RIMS2: variants seen among roughly 807,000 people sequenced by gnomAD.
RIMS2 encodes regulating synaptic membrane exocytosis 2.
In RIMS2, 59 loss-of-function variants were observed where a neutral mutation model predicts 174.4. The observed-to-expected ratio is 0.34, with a 90% CI of 0.27 to 0.42. The LOEUF (loss-of-function observed/expected upper bound fraction) is 0.42. Ranked by LOEUF, RIMS2 falls within the 10% of genes least tolerant of loss-of-function variation. RIMS2 has a pLI of 1.00. For missense variants in RIMS2, 1,620 were observed against 1,666.3 expected (o/e 0.97, Z 0.48); for synonymous variants, 606 against 572.5 (o/e 1.06, Z -0.84).
intron 19 of RIMS2, among the ~76,000 whole-genome samples, chr8:104,219,723 A>C (rs2099146881): frequency 6.6e-6 from 1 of 152,142 alleles, no homozygotes; most frequent in Admixed American, 6.5e-5. Flanking sequence ...TTAATTGGAA[A>C]GTTATAAATA....
chr8:104,071,803 C>G (rs28588728), intron 19 of RIMS2, among the ~76,000 whole-genome samples: 32,575 of 152,022 alleles, frequency 0.21, 3,666 homozygotes, highest in South Asian at 0.33. Context: ...AATTACTGCT[C>G]TAAGGTGAAG....
intron 19 of RIMS2, among the ~76,000 whole-genome samples, chr8:104,222,347 T>G (rs1360993088): frequency 6.6e-6 from 1 of 152,190 alleles, no homozygotes; most frequent in Non-Finnish European, 1.5e-5. Context: ...TTTGAATCTT[T>G]CAGCATATCA....
At chr8:104,101,046 A>G (rs1261554359) in intron 19 of RIMS2, among the ~76,000 whole-genome samples, 3 of 143,404 alleles carry the variant, frequency 2.1e-5, no homozygotes, top group Middle Eastern at 3.6e-3. Flanking sequence ...ATTATATTAT[A>G]TATTACATAT....
At chr8:103,911,921 G>T (rs1032379235) in intron 5 of RIMS2, 132 bp from the exon 9 acceptor site, 4 of 602,630 alleles carry the variant, frequency 6.6e-6, no homozygotes, top group African/African-American at 3.7e-5. Context: ...AAGCTGGTTT[G>T]TGTAATCATA....
chr8:104,164,776 G>C (rs1014654262), intron 19 of RIMS2, among the ~76,000 whole-genome samples: 3 of 152,124 alleles, frequency 2.0e-5, no homozygotes, highest in Admixed American at 6.5e-5. Context: ...ACATAGAGGG[G>C]AACAACACAC....
intron 3 of RIMS2, among the ~76,000 whole-genome samples, chr8:103,808,576 A>G (rs141426394): frequency 5.6e-4 from 85 of 152,214 alleles, no homozygotes; most frequent in African/African-American, 1.9e-3. Context: ...CCTCAAATTC[A>G]GCAATCCATC....
intron 19 of RIMS2, among the ~76,000 whole-genome samples, chr8:104,105,352 A>G (rs1046250876): frequency 6.6e-6 from 1 of 152,206 alleles, no homozygotes; most frequent in Non-Finnish European, 1.5e-5. Context: ...AGTATTTGTT[A>G]CTAGAAAGAA....
chr8:103,620,256 A>G (rs999931110), intron 1 of RIMS2, among the ~76,000 whole-genome samples: 14 of 152,186 alleles, frequency 9.2e-5, no homozygotes, highest in Non-Finnish European at 1.6e-4. Context: ...GACACCAAAG[A>G]TGTTCCTTCA....
At chr8:103,842,033 T>C (rs568485252) in intron 3 of RIMS2, among the ~76,000 whole-genome samples, 1 of 152,236 alleles carries the variant, frequency 6.6e-6, no homozygotes, top group East Asian at 1.9e-4. Context: ...TAACATTACT[T>C]CTAGTGCAAC....
chr8:104,196,014 G>A (rs540995124), intron 19 of RIMS2, among the ~76,000 whole-genome samples: 1 of 152,104 alleles, frequency 6.6e-6, no homozygotes, highest in South Asian at 2.1e-4. Flanking sequence ...TTTTCTTAAG[G>A]AATCAAAGAC....
chr8:103,792,048 A>G (rs963429751), intron 3 of RIMS2, among the ~76,000 whole-genome samples: 3 of 152,172 alleles, frequency 2.0e-5, no homozygotes, highest in Admixed American at 1.3e-4. Flanking sequence ...CAGGAATTGA[A>G]CTCAGCTCTG....
At chr8:103,906,235 T>C (rs2074378955) in intron 4 of RIMS2, among the ~76,000 whole-genome samples, 1 of 152,104 alleles carries the variant, frequency 6.6e-6, no homozygotes, top group Admixed American at 6.6e-5. Flanking sequence ...GTTTTTTGTT[T>C]TGTTTTGTTT....
At chr8:103,716,122 C>T (rs1468025658) in intron 2 of RIMS2, among the ~76,000 whole-genome samples, 187 bp from the exon 5 acceptor site, 3 of 151,718 alleles carry the variant, frequency 2.0e-5, no homozygotes, top group Admixed American at 6.6e-5. Context: ...AAAAATCTCC[C>T]CTAAAATTTT....
intron 1 of RIMS2, among the ~76,000 whole-genome samples, chr8:103,581,801 C>T (rs1033064393): frequency 1.3e-5 from 2 of 152,132 alleles, no homozygotes; most frequent in African/African-American, 4.8e-5. Flanking sequence ...ACCTCACCAC[C>T]AAAGGCTGCA....
chr8:103,506,280 C>A (rs1823565815), intron 1 of RIMS2, among the ~76,000 whole-genome samples: 1 of 151,864 alleles, frequency 6.6e-6, no homozygotes, highest in African/African-American at 2.4e-5. Flanking sequence ...GAAATAAGGG[C>A]AATTAAATAA....
chr8:104,220,006 G>A (rs1316360771), intron 19 of RIMS2, among the ~76,000 whole-genome samples: 1 of 152,026 alleles, frequency 6.6e-6, no homozygotes, highest in Non-Finnish European at 1.5e-5. Context: ...TTTAGATAAT[G>A]TTATACATAG....
chr8:104,076,313 G>GT (rs35037487), intron 19 of RIMS2, among the ~76,000 whole-genome samples: 35,073 of 151,076 alleles, frequency 0.23, 4,325 homozygotes, highest in African/African-American at 0.33. Flanking sequence ...CCCTTCTATA[G>GT]TTTTTTTTTG....
intron 10 of RIMS2, among the ~76,000 whole-genome samples, chr8:103,927,316 C>T (rs2078964771): frequency 6.6e-6 from 1 of 151,344 alleles, no homozygotes; most frequent in Non-Finnish European, 1.5e-5. Flanking sequence ...TGTGTTTATT[C>T]TTTTAAGAAA....
intron 3 of RIMS2, among the ~76,000 whole-genome samples, chr8:103,808,389 C>T (rs917019021): frequency 2.0e-5 from 3 of 151,988 alleles, no homozygotes; most frequent in Non-Finnish European, 4.4e-5. Context: ...CTCTTATTTG[C>T]GTGTTTTTCC....
Sources: gnomAD v4.1 joint callset for allele counts (sites outside exome capture counted in the v4.1 genomes callset) on GRCh38, gnomAD v4.1.1 for gene constraint, MANE v1.5 for transcripts, NCBI Gene and HGNC (gene_info 2026-07-23, HGNC 2026-07-21) for gene names.